Variants in SNRNP48 observed in about 807,000 individuals in gnomAD.
SNRNP48 encodes small nuclear ribonucleoprotein U11/U12 subunit 48, also known as U11/U12 small nuclear ribonucleoprotein 48 kDa protein.
Under a neutral mutation model 47.0 loss-of-function variants are expected in SNRNP48, and 43 were observed. The ratio of observed to expected loss-of-function variants is 0.92; its 90% CI spans 0.72 to 1.18. The LOEUF is 1.18. SNRNP48 is among the 50% of genes most tolerant of loss of function. The pLI is 0.00. For missense variants in SNRNP48, 396 were observed against 422.2 expected (o/e 0.94, Z 0.54); for synonymous variants, 138 against 144.0 (o/e 0.96, Z 0.30).
At position 7,590,363 on chromosome 6, in the gene SNRNP48, C is replaced by A; in HGVS notation, c.106C>A (p.Leu36Met). ...GACGTTGGAGGAGGTGACCGCGTCC[C>A]TGGGCTGGGACCTAGATAGTCTGGA... ...CRTLEEVTAS[L>M]GWDLDSLDPG... is the part of the protein sequence containing the mutation. Residue 36 changes from leucine (L) to methionine (M), a missense_variant, in exon 1 of 9, where the codon CTG (leucine) becomes ATG (methionine). Coordinates refer to ENST00000342415, the MANE Select transcript of SNRNP48 (RefSeq NM_152551.4). 1 of 1,380,982 alleles carries A rather than the reference C, an allele frequency of 7.2e-7. No homozygotes were observed. The highest frequency in any genetic ancestry group is 9.5e-7 in the Non-Finnish European group (1 of 1,054,234). 85.5% of individuals were successfully genotyped at this position (1,380,982 alleles called of 1,614,324 possible). A position where few individuals can be genotyped will look rare whatever the true frequency, so the allele number is the denominator to read the frequency against.
At position 7,602,643 on chromosome 6, in the gene SNRNP48, A is replaced by G; in HGVS notation, c.616A>G (p.Lys206Glu). The change falls in exon 6 of 9, where the codon AAA becomes GAA. Residue 206 changes from lysine (K) to glutamate (E), a missense_variant. Physicochemically the swap from Lys to Glu is moderately conservative, Grantham distance 56 (BLOSUM62 1). Transcript: ENST00000342415. ...INQDNSRKSP[K>E]SYLEILAEVR... ...ATTAGACAATAGTCGAAAAAGTCCA[A>G]AATCCTACCTTGAAATCCTGGCAGA... 2 of 1,600,346 alleles carry G rather than the reference A, an allele frequency of 1.2e-6. No individual in the cohort carries two copies. The highest frequency in any genetic ancestry group is 1.7e-6 in the Non-Finnish European group (2 of 1,175,196).
intron 4 of SNRNP48, 174 bp from the exon 5 acceptor site, chr6:7,601,162 G>T: frequency 2.0e-6 from 1 of 510,440 alleles, no homozygotes; most frequent in Non-Finnish European, 3.4e-6. Context: ...TAACATTCAG[G>T]ATAGAATTGT....
At chr6:7,608,748 C>CTGTTGAAAGTGGTGTATTAA in intron 8 of SNRNP48, 77 bp from the exon 9 acceptor site, 1 of 799,800 alleles carries the variant, frequency 1.3e-6, no homozygotes. Flanking sequence ...TGGTGTATTA[C>CTGTTGAAAGTGGTGTATTAA]TGTTGAATTA....
At chr6:7,591,266 C>G (rs560547954) in intron 1 of SNRNP48, among the ~76,000 whole-genome samples, 27 of 152,210 alleles carry the variant, frequency 1.8e-4, no homozygotes, top group African/African-American at 6.5e-4. Flanking sequence ...ACTGGCAACT[C>G]CTGTGGACAT....
At chr6:7,595,001 T>G (rs576122488) in intron 3 of SNRNP48, 26 bp from the exon 4 acceptor site, 1 of 1,545,294 alleles carries the variant, frequency 6.5e-7, no homozygotes, top group Non-Finnish European at 8.8e-7. Context: ...TCATATTGTA[T>G]TTATGGATTT....
In SNRNP48 at chr6:7,593,817, G is replaced by A. The variant is rs933091925; in HGVS notation, c.240G>A (p.Leu80=). The change falls in exon 2 of 9, where the codon TTG becomes TTA. Residue 80 remains leucine (L), a synonymous_variant. Coordinates refer to ENST00000342415, the MANE Select transcript of SNRNP48 (RefSeq NM_152551.4). ...SLAKHMASCR[L]RKMGYTKEEE... ...CAAAGCACATGGCATCTTGTAGATT[G>A]AGGAAAATGGGCTATACCAAAGAAG... 2 of 1,596,410 alleles carry A rather than the reference G, an allele frequency of 1.3e-6. No homozygotes were observed. The highest frequency in any genetic ancestry group is 1.3e-5 in the African/African-American group (1 of 74,442).
At chr6:7,600,213 G>C (rs1299843626) in intron 4 of SNRNP48, 2 of 985,854 alleles carry the variant, frequency 2.0e-6, no homozygotes, top group Non-Finnish European at 2.4e-6. Context: ...CATGGCCTCA[G>C]ATTCACTGCA....
intron 6 of SNRNP48, among the ~76,000 whole-genome samples, chr6:7,603,143 G>A (rs1760062343): frequency 1.3e-5 from 2 of 152,072 alleles, no homozygotes; most frequent in Non-Finnish European, 2.9e-5. Context: ...AATCTTTGCA[G>A]GGTTGTTATG....
At chr6:7,599,968 G>T in intron 4 of SNRNP48, 4 of 1,000,476 alleles carry the variant, frequency 4.0e-6, no homozygotes, top group Non-Finnish European at 4.9e-6. Context: ...TTTATATGAA[G>T]CTTGTTTGTA....
chr6:7,607,020 T>C (rs1760140696), intron 8 of SNRNP48, among the ~76,000 whole-genome samples: 1 of 152,248 alleles, frequency 6.6e-6, no homozygotes, highest in African/African-American at 2.4e-5. Context: ...AGTCACCTCA[T>C]AGAACTCTTC....
chr6:7,611,839 A>G lies in SNRNP48; in HGVS notation c.*2966A>G, dbSNP rs1760241315. On this transcript the variant is annotated 3_prime_UTR_variant, in exon 9 of 9. Transcript: ENST00000342415. ...TTCTTGCATTCTGAGCATAAAAATA[A>G]TAAAACCCACTTATATTTGCTTGAG... is the stretch of plus-strand genomic sequence containing the variant. 1.3e-5 allele frequency: 2 copies of G among 152,232 alleles called. No individual in the cohort carries two copies. The highest frequency in any genetic ancestry group is 2.9e-5 in the Non-Finnish European group (2 of 68,038). The allele number at this position is 152,232 out of a possible 1,614,324, so 9.4% of individuals were successfully genotyped here.
At chr6:7,601,043 A>T (rs1760009105) in intron 4 of SNRNP48, 1 of 219,456 alleles carries the variant, frequency 4.6e-6, no homozygotes. Context: ...GCTTTCTTAG[A>T]GCAAATTGTC....
Position 7,601,522 on chromosome 6 carries a change from A to G in SNRNP48, c.593A>G (p.Gln198Arg), listed in dbSNP as rs762049461. 8 of 1,571,200 alleles carry G rather than the reference A, an allele frequency of 5.1e-6. No homozygotes were observed. In the African/African-American group the frequency reaches 1.1e-4, roughly 22 times the overall value. ...GTAGACTTGGCTGCCAAAATCAATC[A>G]AGGTTTGAGATGCACATCATGGCTT... ...LFVDLAAKINQDNSRKSPKSY... is the reference protein window; with the variant it reads ...LFVDLAAKINRDNSRKSPKSY... The change falls in exon 5 of 9, where the codon CAA (glutamine) becomes CGA (arginine). Residue 198 changes from glutamine to arginine, a missense_variant and splice_region_variant. Transcript: ENST00000342415.
rs1489110016 is a variant in SNRNP48 at position 7,601,421 on chromosome 6, CTA to C, written c.494_495del (p.Tyr165Ter). On this transcript the variant is annotated frameshift_variant, in exon 5 of 9. Coordinates refer to ENST00000342415, the MANE Select transcript of SNRNP48 (RefSeq NM_152551.4). LOFTEE classifies it high-confidence loss of function. The stretch of plus-strand genomic sequence containing the variant: ...TAACTCAAGCTGATCGTCTTGCCCT[CTA>C]TGATTTCGTAGTTGAGGAGACAAAG... The part of the protein sequence containing the change: ...DLTQADRLAL[Y>X]DFVVEETKKK... 1 of 1,603,660 alleles carries C rather than the reference CTA, an allele frequency of 6.2e-7. No individual in the cohort carries two copies. Among genetic ancestry groups the C allele is most frequent in the Non-Finnish European group, 8.5e-7 (1 of 1,178,020 alleles).
At chr6:7,599,786 A>G (rs1242135850) in intron 4 of SNRNP48, 10 of 1,260,182 alleles carry the variant, frequency 7.9e-6, no homozygotes, top group African/African-American at 1.5e-5. Context: ...TCTAAACTTT[A>G]TCTTAATACC....
At chr6:7,598,315 T>C (rs1047668704) in intron 4 of SNRNP48, among the ~76,000 whole-genome samples, 1 of 151,746 alleles carries the variant, frequency 6.6e-6, no homozygotes, top group African/African-American at 2.4e-5. Flanking sequence ...GCCAACATGG[T>C]GAAACCCTGT....
chr6:7,592,372 A>ATTT (rs59852711), intron 1 of SNRNP48, among the ~76,000 whole-genome samples: 11 of 139,252 alleles, frequency 7.9e-5, no homozygotes, highest in African/African-American at 2.9e-4. Flanking sequence ...GAAAGTCTAG[A>ATTT]TTTTTTTTTT....
At chr6:7,605,972 T>G (rs1760116724) in intron 7 of SNRNP48, 59 bp from the exon 8 acceptor site, 3 of 1,514,094 alleles carry the variant, frequency 2.0e-6, no homozygotes, top group Non-Finnish European at 2.7e-6. Context: ...TGTGTCTGTG[T>G]ACGTATACTG....
Position 7,609,731 on chromosome 6 carries a change from T to C in SNRNP48, c.*858T>C, listed in dbSNP as rs1009042961. ...TTAATGTTTCATTTAATTTAAAATA[T>C]ACTGTCATGTTGTGTTTTGTAAATC... On this transcript the variant is annotated 3_prime_UTR_variant, in exon 9 of 9. Transcript: ENST00000342415. The C allele has an allele frequency of 6.6e-6, 1 of 152,208 alleles. No individual in the cohort carries two copies. The highest frequency in any genetic ancestry group is 1.5e-5 in the Non-Finnish European group (1 of 68,036). 9.4% of individuals were successfully genotyped at this position (152,208 alleles called of 1,614,324 possible).
Sources: allele counts gnomAD v4.1 joint callset (sites outside exome capture counted in the v4.1 genomes callset), GRCh38; gene constraint gnomAD v4.1.1; transcripts MANE v1.5; gene names NCBI Gene and HGNC (gene_info 2026-07-23, HGNC 2026-07-21).